The following TYR variants were observed in gnomAD, a reference collection of about 807,000 sequenced individuals.
TYR encodes the protein tyrosinase.
TYR carries 58 observed loss-of-function variants against 51.5 expected under a neutral mutation model. The ratio of observed to expected loss-of-function variants is 1.13; its 90% CI spans 0.91 to 1.40. TYR has a LOEUF of 1.40. TYR is among the 40% of genes most tolerant of loss of function. The pLI, the probability that TYR is intolerant of heterozygous loss-of-function variation, is 0.00. For synonymous variants in TYR, 263 were observed against 235.2 expected (o/e 1.12, Z -1.08); for missense variants, 732 against 647.4 (o/e 1.13, Z -1.42).
intron 3 of TYR, among the ~76,000 whole-genome samples, chr11:89,244,836 G>A (rs558693190): frequency 2.0e-5 from 3 of 152,324 alleles, no homozygotes; most frequent in African/African-American, 7.2e-5. Flanking sequence ...GGGATGAAGT[G>A]ATTACTAAAT....
At chr11:89,219,468 TG>T (rs1187603208) in intron 2 of TYR, among the ~76,000 whole-genome samples, 2 of 152,008 alleles carry the variant, frequency 1.3e-5, no homozygotes, top group African/African-American at 4.8e-5. Context: ...GGCTAATTTT[TG>T]TATTTTTAGT....
intron 2 of TYR, among the ~76,000 whole-genome samples, chr11:89,225,745 A>G (rs1189292661): frequency 6.6e-6 from 1 of 151,840 alleles, no homozygotes; most frequent in East Asian, 1.9e-4. Context: ...ATCCTCTGAA[A>G]CTATTTATGA....
chr11:89,209,161 G>A (rs190548792), intron 2 of TYR, among the ~76,000 whole-genome samples: 1 of 152,322 alleles, frequency 6.6e-6, no homozygotes, highest in Admixed American at 6.5e-5. Context: ...AAGCACAAGG[G>A]GTTGGGGGAT....
At chr11:89,262,663 T>C (rs1944471823) in intron 3 of TYR, among the ~76,000 whole-genome samples, 1 of 140,546 alleles carries the variant, frequency 7.1e-6, no homozygotes, top group African/African-American at 2.6e-5. Flanking sequence ...AGAGGGGACA[T>C]TACTATTGTC....
chr11:89,226,856 A>G (rs1380361695), intron 2 of TYR, among the ~76,000 whole-genome samples: 1 of 151,898 alleles, frequency 6.6e-6, no homozygotes, highest in Non-Finnish European at 1.5e-5. Flanking sequence ...TGTTCCCCCA[A>G]CTTGGTTCCT....
At chr11:89,272,228 G>C (rs147880320) in intron 3 of TYR, among the ~76,000 whole-genome samples, 1 of 151,964 alleles carries the variant, frequency 6.6e-6, no homozygotes, top group East Asian at 1.9e-4. Context: ...CTTATAGCAT[G>C]TATTTCTTAA....
chr11:89,206,856 A>C (rs1187098380), intron 2 of TYR, among the ~76,000 whole-genome samples: 1 of 152,158 alleles, frequency 6.6e-6, no homozygotes, highest in Admixed American at 6.5e-5. Context: ...TAGAAACTAA[A>C]CAAAGCACTT....
chr11:89,232,565 G>T (rs1358616528), intron 3 of TYR, among the ~76,000 whole-genome samples: 1 of 141,004 alleles, frequency 7.1e-6, no homozygotes, highest in African/African-American at 2.8e-5. Flanking sequence ...GAGAAGGAGG[G>T]GCATAACAGC....
chr11:89,256,305 G>C (rs1267847263), intron 3 of TYR, among the ~76,000 whole-genome samples: 2 of 151,642 alleles, frequency 1.3e-5, no homozygotes, highest in Non-Finnish European at 2.9e-5. Context: ...TTCTGATACT[G>C]TCCTATGTCA....
intron 2 of TYR, chr11:89,191,870 A>G (rs538306658): frequency 2.8e-4 from 85 of 309,036 alleles, no homozygotes; most frequent in African/African-American, 1.7e-3. Flanking sequence ...AATGGTGAGT[A>G]AAGTCAGTTT....
chr11:89,208,994 G>A (rs1943712533), intron 2 of TYR, among the ~76,000 whole-genome samples: 1 of 152,206 alleles, frequency 6.6e-6, no homozygotes, highest in African/African-American at 2.4e-5. Flanking sequence ...AACAGGAAGA[G>A]CTCTGGTCTA....
At chr11:89,216,454 C>T (rs758312077) in intron 2 of TYR, among the ~76,000 whole-genome samples, 4 of 151,784 alleles carry the variant, frequency 2.6e-5, no homozygotes, top group Non-Finnish European at 5.9e-5. Context: ...GAGTTTGACA[C>T]GAGCCCAGGC....
chr11:89,179,713 C>T (rs1325975029), intron 1 of TYR, among the ~76,000 whole-genome samples: 2 of 152,072 alleles, frequency 1.3e-5, no homozygotes, highest in Non-Finnish European at 2.9e-5. Context: ...TTTCTCAGTC[C>T]TTGAAAACTT....
rs1944233240 is a variant in TYR at position 89,243,918 on chromosome 11, T to G, written c.1184+15948T>G. ...ATAGGATATTTAAAAATATTCCATT[T>G]CAAAAGCATATGCATGTATATTCAA... is the stretch of plus-strand genomic sequence containing the variant. On this transcript the variant is annotated intron_variant, in intron 3 of 4. Transcript: ENST00000263321. 3.3e-5 allele frequency among the ~76,000 whole-genome samples: 5 copies of G among 152,234 alleles called. No homozygotes were observed. In the South Asian group the frequency reaches 8.3e-4, roughly 25 times the overall value.
At chr11:89,215,441 G>A (rs1002003192) in intron 2 of TYR, among the ~76,000 whole-genome samples, 2 of 152,030 alleles carry the variant, frequency 1.3e-5, no homozygotes, top group African/African-American at 4.8e-5. Flanking sequence ...GATGGGTGCA[G>A]CACACCAACA....
chr11:89,243,677 G>A (rs1436466087), intron 3 of TYR, among the ~76,000 whole-genome samples: 2 of 152,134 alleles, frequency 1.3e-5, no homozygotes, highest in Non-Finnish European at 2.9e-5. Context: ...TTAATAAAGT[G>A]TAACAATGTC....
chr11:89,275,313 C>T (rs1944640860), intron 3 of TYR, among the ~76,000 whole-genome samples: 1 of 151,788 alleles, frequency 6.6e-6, no homozygotes, highest in African/African-American at 2.4e-5. Context: ...AAAGCCTTGT[C>T]CACCTTTCTG....
At position 89,178,241 on chromosome 11, in the gene TYR, G is replaced by A; in HGVS notation, c.288G>A (p.Met96Ile). 1 of 1,614,166 alleles carries A rather than the reference G, an allele frequency of 6.2e-7. No homozygotes were observed. The highest frequency in any genetic ancestry group is 8.5e-7 in the Non-Finnish European group (1 of 1,180,038). ...NRTCQCSGNF[M>I]GFNCGNCKFG... ...CCTGCCAGTGCTCTGGCAACTTCATGGGATTCAACTGTGGAAACTGCAAGT... is the reference window on the plus strand; with the variant it reads ...CCTGCCAGTGCTCTGGCAACTTCATAGGATTCAACTGTGGAAACTGCAAGT... The change falls in exon 1 of 5, where the codon ATG becomes ATA. Residue 96 changes from methionine to isoleucine, a missense_variant. Transcript: ENST00000263321.
At chr11:89,263,763 A>G (rs1220560848) in intron 3 of TYR, among the ~76,000 whole-genome samples, 1 of 152,078 alleles carries the variant, frequency 6.6e-6, no homozygotes, top group Non-Finnish European at 1.5e-5. Context: ...TAGAATACTT[A>G]GGAATAATTT....
Sources: allele counts gnomAD v4.1 joint callset (sites outside exome capture counted in the v4.1 genomes callset), GRCh38; gene constraint gnomAD v4.1.1; transcripts MANE v1.5; gene names NCBI Gene and HGNC (gene_info 2026-07-23, HGNC 2026-07-21).